The following EFL1 variants were observed in gnomAD, a reference collection of about 807,000 sequenced individuals.
EFL1 encodes elongation factor-like GTPase 1.
A neutral mutation model predicts 126.7 loss-of-function variants in EFL1; 76 were observed. The observed-to-expected ratio is 0.60, with a 90% confidence interval of 0.50 to 0.73. The LOEUF (loss-of-function observed/expected upper bound fraction) is 0.73, where lower values mean the gene tolerates loss of function less well. EFL1 is among the 30% of genes least tolerant of loss of function. The pLI is 0.00. For synonymous variants in EFL1, 410 were observed against 448.4 expected, an observed-to-expected ratio of 0.91 and a Z score of 1.08; for missense variants, 1,128 against 1,343.2, an observed-to-expected ratio of 0.84 and a Z score of 2.50.
intron 15 of EFL1, among the ~76,000 whole-genome samples, chr15:82,208,099 TTAAC>T (rs2074545274): frequency 6.6e-6 from 1 of 152,162 alleles, no homozygotes; most frequent in Admixed American, 6.5e-5. Flanking sequence ...CTTTAAAACA[TTAAC>T]TATATATAAA....
At chr15:82,213,463 G>A (rs2074610502) in intron 15 of EFL1, among the ~76,000 whole-genome samples, 1 of 152,174 alleles carries the variant, frequency 6.6e-6, no homozygotes, top group African/African-American at 2.4e-5. Flanking sequence ...CTCAATCCTG[G>A]AAGGCATCTA....
chr15:82,215,944 T>C (rs561808454), intron 14 of EFL1, among the ~76,000 whole-genome samples: 136 of 151,896 alleles, frequency 9.0e-4, no homozygotes, highest in Admixed American at 6.2e-3. Context: ...AAGAACTGAA[T>C]AGAAAGAAAT....
At chr15:82,131,953 A>G (rs776079617) in intron 19 of EFL1, among the ~76,000 whole-genome samples, 3 of 152,244 alleles carry the variant, frequency 2.0e-5, no homozygotes, top group Non-Finnish European at 2.9e-5. Flanking sequence ...GCCATCAAGT[A>G]TGTATAGGGT....
At chr15:82,231,663 G>GA (rs776873349) in intron 7 of EFL1, among the ~76,000 whole-genome samples, 82 of 132,422 alleles carry the variant, frequency 6.2e-4, no homozygotes, top group Admixed American at 1.0e-3. Context: ...GCCTGCTCAG[G>GA]AAAAAAAAAA....
chr15:82,130,235 TA>T lies in EFL1; in HGVS notation c.*137del. 1 of 1,000,926 alleles carries T rather than the reference TA, an allele frequency of 1.0e-6. No individual in the cohort carries two copies. Among genetic ancestry groups the T allele is most frequent in the Non-Finnish European group, 1.4e-6 (1 of 702,340 alleles). 62.0% of individuals were successfully genotyped at this position (1,000,926 alleles called of 1,614,324 possible). A position where few individuals can be genotyped will look rare whatever the true frequency, so the allele number is the denominator to read the frequency against. ...AAAACATGTTCTCTAACATCCTCTT[TA>T]AAATATTTATATGGATCAACTTTAT... On this transcript the variant is annotated 3_prime_UTR_variant, in exon 20 of 20. Coordinates refer to ENST00000268206, the MANE Select transcript of EFL1 (RefSeq NM_024580.6).
At chr15:82,159,467 G>T (rs1454987193) in intron 16 of EFL1, among the ~76,000 whole-genome samples, 1 of 144,536 alleles carries the variant, frequency 6.9e-6, no homozygotes, top group Admixed American at 6.9e-5. Context: ...TTAACAATAA[G>T]AAAAGTTTTT....
intron 17 of EFL1, among the ~76,000 whole-genome samples, chr15:82,156,246 T>C (rs985418237): frequency 5.3e-5 from 8 of 152,210 alleles, no homozygotes; most frequent in African/African-American, 1.9e-4. Context: ...GTTTCTGGAA[T>C]CTGGTAGAAG....
intron 2 of EFL1, among the ~76,000 whole-genome samples, 167 bp from the exon 3 acceptor site, chr15:82,259,322 T>C (rs569456698): frequency 6.6e-6 from 1 of 152,320 alleles, no homozygotes; most frequent in East Asian, 1.9e-4. Flanking sequence ...CAGAATATCA[T>C]CTGGAAGGAC....
At chr15:82,163,713 G>A in intron 16 of EFL1, 140 bp downstream of exon 16, 1 of 1,002,850 alleles carries the variant, frequency 1.0e-6, no homozygotes, top group Non-Finnish European at 1.4e-6. Flanking sequence ...GATGCCCTTT[G>A]AAGAGTTGCT....
At position 82,202,839 on chromosome 15, in the gene EFL1, T is replaced by C. The variant is rs181039284; in HGVS notation, c.1750+11878A>G. ...ATTTTTTTTTTTTTTTGAGACGGAG[T>C]CTTGCTCTGTCGTCCAGGCTGAAGT... On this transcript the variant is annotated intron_variant, in intron 15 of 19. Transcript: ENST00000268206. Among the ~76,000 whole-genome samples, 985 of 146,604 alleles carry C rather than the reference T, an allele frequency of 6.7e-3. 11 individuals are homozygous for C. Among genetic ancestry groups the C allele is most frequent in the African/African-American group, 0.024 (922 of 38,762 alleles).
At chr15:82,249,426 A>G (rs564078345) in intron 4 of EFL1, among the ~76,000 whole-genome samples, 1 of 152,176 alleles carries the variant, frequency 6.6e-6, no homozygotes, top group African/African-American at 2.4e-5. Context: ...AAAAACTTCA[A>G]AAGTTCAGCA....
intron 15 of EFL1, among the ~76,000 whole-genome samples, chr15:82,189,352 G>A (rs1252447683): frequency 1.3e-5 from 2 of 152,168 alleles, no homozygotes; most frequent in Non-Finnish European, 2.9e-5. Context: ...AAGAGGTACA[G>A]TAGGGAACAG....
intron 16 of EFL1, among the ~76,000 whole-genome samples, chr15:82,158,699 A>G (rs903934191): frequency 6.6e-6 from 1 of 152,228 alleles, no homozygotes; most frequent in Non-Finnish European, 1.5e-5. Context: ...TCTGCAATGC[A>G]ATGATTTTCA....
chr15:82,192,571 C>T (rs1229179362), intron 15 of EFL1, among the ~76,000 whole-genome samples: 1 of 152,144 alleles, frequency 6.6e-6, no homozygotes, highest in African/African-American at 2.4e-5. Flanking sequence ...AGTCATAGCT[C>T]ACTGCTTTAT....
intron 15 of EFL1, among the ~76,000 whole-genome samples, chr15:82,205,202 A>G (rs2074512089): frequency 6.6e-6 from 1 of 152,178 alleles, no homozygotes. Flanking sequence ...TTTACTCAAG[A>G]CAGTCTTATA....
chr15:82,130,920 C>T lies in EFL1; in HGVS notation c.3175-359G>A, dbSNP rs917191941. Among the ~76,000 whole-genome samples, 3 of 152,136 alleles carry T rather than the reference C, an allele frequency of 2.0e-5. No individual in the cohort carries two copies. The East Asian group carries it at 5.8e-4, about 29-fold the overall frequency. The stretch of plus-strand genomic sequence containing the variant: ...GTCCCTGCTACTAGGGAGGCTGAGG[C>T]AGAAGAATCACTTGAACTCGGGAGG... On this transcript the variant is annotated intron_variant, in intron 19 of 19. Coordinates refer to ENST00000268206, the MANE Select transcript of EFL1 (RefSeq NM_024580.6).
intron 15 of EFL1, among the ~76,000 whole-genome samples, chr15:82,165,311 C>T (rs1267744220): frequency 6.6e-6 from 1 of 152,088 alleles, no homozygotes; most frequent in African/African-American, 2.4e-5. Context: ...CACACACACA[C>T]GGGCCATTTT....
chr15:82,151,363 G>C (rs2073904771), intron 18 of EFL1, 102 bp downstream of exon 18: 7 of 1,145,536 alleles, frequency 6.1e-6, no homozygotes, highest in African/African-American at 4.7e-5. Context: ...ACTCCAGCTG[G>C]GGCGACAGAA....
At chr15:82,165,388 G>A (rs760381342) in intron 15 of EFL1, among the ~76,000 whole-genome samples, 1 of 152,156 alleles carries the variant, frequency 6.6e-6, no homozygotes, top group Non-Finnish European at 1.5e-5. Context: ...ACCAATTGAT[G>A]TAAAGGTACA....
Sources: allele counts gnomAD v4.1 joint callset (sites outside exome capture counted in the v4.1 genomes callset), GRCh38; gene constraint gnomAD v4.1.1; transcripts MANE v1.5; gene names NCBI Gene and HGNC (gene_info 2026-07-23, HGNC 2026-07-21).